The following NRXN1 variants were observed in gnomAD, a reference collection of about 807,000 sequenced individuals.
NRXN1 encodes the protein neurexin 1, also known as neurexin-1.
A neutral mutation model predicts 150.9 loss-of-function variants in NRXN1; 39 were observed. The observed-to-expected ratio is 0.26, with a 90% CI of 0.20 to 0.34. NRXN1 has a LOEUF of 0.34. NRXN1 is among the 10% of genes least tolerant of loss of function. The probability of loss-of-function intolerance (pLI) is 1.00; values close to 1 mark genes in which losing one functional copy is unlikely to be tolerated. For missense variants in NRXN1, 1,815 were observed against 1,949.9 expected (o/e 0.93, Z 1.30); for synonymous variants, 924 against 757.0 (o/e 1.22, Z -3.62).
At position 49,922,273 on chromosome 2, in the gene NRXN1, C is replaced by A. The variant is rs1668354108; in HGVS notation, c.4217-22G>T. On this transcript the variant is annotated intron_variant, in intron 22 of 22. Transcript: ENST00000401669. ...TTGGCTATAGAAAAGAGGATGAGAA[C>A]AAACACAAAGTGATCATTGAGTTCA... 1.9e-6 allele frequency: 3 copies of A among 1,604,184 alleles called. No individual in the cohort carries two copies. In the East Asian group the frequency reaches 6.7e-5, roughly 36 times the overall value.
intron 2 of NRXN1, among the ~76,000 whole-genome samples, chr2:51,019,857 CT>C (rs1240259918): frequency 6.6e-6 from 1 of 151,898 alleles, no homozygotes; most frequent in Non-Finnish European, 1.5e-5. Flanking sequence ...AAACAGAGTA[CT>C]TTCTCTGCTT....
At chr2:50,779,288 G>A (rs528290985) in intron 5 of NRXN1, among the ~76,000 whole-genome samples, 4 of 152,244 alleles carry the variant, frequency 2.6e-5, no homozygotes, top group Admixed American at 2.6e-4. Flanking sequence ...TTCTGTTCAT[G>A]TGTTAGTTTG....
chr2:49,933,936 G>T (rs1670573279), intron 22 of NRXN1, among the ~76,000 whole-genome samples: 1 of 152,164 alleles, frequency 6.6e-6, no homozygotes, highest in South Asian at 2.1e-4. Flanking sequence ...GAGGCCTTGT[G>T]AATTCAGGTG....
intron 5 of NRXN1, among the ~76,000 whole-genome samples, chr2:50,844,084 G>T (rs944287096): frequency 6.6e-6 from 1 of 152,080 alleles, no homozygotes; most frequent in Non-Finnish European, 1.5e-5. Context: ...CCAAAGAATG[G>T]ACCTGGAGGC....
Position 50,552,648 on chromosome 2 carries a change from C to T in NRXN1, c.1698G>A (p.Leu566=), listed in dbSNP as rs1667698204. The T allele has an allele frequency of 6.2e-7, 1 of 1,613,912 alleles. No homozygotes were observed. Residue 566 remains leucine (L), a synonymous_variant, in exon 9 of 23, where the codon CTG becomes CTA. Transcript: ENST00000401669. Reference sequence around the variant, plus strand: ...ATTCTCCATCATTCACTTTCTTCAACAGGGCTTTTATTTTTATAGTACCTG... The same window carrying T: ...ATTCTCCATCATTCACTTTCTTCAATAGGGCTTTTATTTTTATAGTACCTG... The part of the protein sequence containing the change: ...MGSGTIKIKA[L]LKKVNDGEWY...
In NRXN1 at chr2:50,614,502, G is replaced by A. The variant is rs185237093; in HGVS notation, c.1320+5520C>T. ...AAAATAAGCAAAAAAGGGGAGGAGC[G>A]GGGAGGGATAGCATTAGGAGATATA... On this transcript the variant is annotated intron_variant, in intron 8 of 22. Coordinates refer to ENST00000401669, the MANE Select transcript of NRXN1 (RefSeq NM_001330078.2). Among the ~76,000 whole-genome samples the A allele has an allele frequency of 1.2e-4, 18 of 151,900 alleles. No homozygotes were observed. In the East Asian group the frequency reaches 2.1e-3, roughly 18 times the overall value.
chr2:50,986,918 A>G (rs961222738), intron 2 of NRXN1, among the ~76,000 whole-genome samples: 4 of 151,832 alleles, frequency 2.6e-5, no homozygotes, highest in African/African-American at 9.7e-5. Context: ...GAAAAACAGC[A>G]CCCTGAAATC....
chr2:50,070,841 C>T (rs1211784724), intron 19 of NRXN1, among the ~76,000 whole-genome samples: 2 of 149,264 alleles, frequency 1.3e-5, no homozygotes, highest in Non-Finnish European at 3.0e-5. Flanking sequence ...CCAATTAAAA[C>T]CCAGGCATCC....
intron 2 of NRXN1, among the ~76,000 whole-genome samples, chr2:50,961,044 C>A (rs146021706): frequency 2.0e-5 from 3 of 151,936 alleles, no homozygotes; most frequent in Non-Finnish European, 4.4e-5. Flanking sequence ...CAAATGAACA[C>A]GTGACTTTTT....
intron 21 of NRXN1, among the ~76,000 whole-genome samples, chr2:49,948,606 A>G (rs1673373863): frequency 6.6e-6 from 1 of 151,982 alleles, no homozygotes; most frequent in Admixed American, 6.6e-5. Context: ...GCTCAAGTGT[A>G]GGGGAAGAAA....
intron 17 of NRXN1, among the ~76,000 whole-genome samples, chr2:50,402,768 C>T (rs936280778): frequency 6.6e-6 from 1 of 152,088 alleles, no homozygotes; most frequent in Non-Finnish European, 1.5e-5. Context: ...CTAGGCTTAG[C>T]TCAGCCACTT....
At chr2:50,703,706 C>A (rs538007024) in intron 5 of NRXN1, among the ~76,000 whole-genome samples, 1 of 152,082 alleles carries the variant, frequency 6.6e-6, no homozygotes, top group Non-Finnish European at 1.5e-5. Context: ...TAATGAGGAA[C>A]GGTTAACTAT....
chr2:50,579,913 G>A (rs1186613065), intron 8 of NRXN1, among the ~76,000 whole-genome samples: 1 of 152,124 alleles, frequency 6.6e-6, no homozygotes, highest in Non-Finnish European at 1.5e-5. Context: ...TCATGAAAGG[G>A]TTATATTTTC....
intron 5 of NRXN1, among the ~76,000 whole-genome samples, chr2:50,911,445 T>C (rs1684510212): frequency 6.6e-6 from 1 of 151,896 alleles, no homozygotes; most frequent in East Asian, 1.9e-4. Flanking sequence ...CTGTCATTTC[T>C]GAATGTCTAA....
At chr2:50,480,302 G>A (rs2090365601) in intron 15 of NRXN1, among the ~76,000 whole-genome samples, 1 of 152,186 alleles carries the variant, frequency 6.6e-6, no homozygotes, top group Non-Finnish European at 1.5e-5. Context: ...ACCCATGCAT[G>A]AATCGTCTTC....
rs553970724 is a variant in NRXN1 at position 50,260,587 on chromosome 2, C to T, written c.3365-23617G>A. Among the ~76,000 whole-genome samples, 30 of 142,956 alleles carry T rather than the reference C, an allele frequency of 2.1e-4. 2 individuals are homozygous for T. The South Asian group carries it at 6.6e-3, about 31-fold the overall frequency. The allele number at this position is 142,956 out of a possible 152,430, so 93.8% of individuals were successfully genotyped here. On this transcript the variant is annotated intron_variant, in intron 17 of 22. Transcript: ENST00000401669. ...TTCAATCACTTTTTTTAATGCAAAG[C>T]AAACACCGATGACAAAAGAAGTTCA...
At chr2:50,769,511 G>C (rs975263778) in intron 5 of NRXN1, among the ~76,000 whole-genome samples, 2 of 151,984 alleles carry the variant, frequency 1.3e-5, no homozygotes, top group African/African-American at 2.4e-5. Flanking sequence ...AGATGGGAGC[G>C]AGAAATCACT....
In NRXN1 at chr2:50,170,141, T is replaced by TCACA. The variant is rs71404935; in HGVS notation, c.3546+66644_3546+66647dup. On this transcript the variant is annotated intron_variant, in intron 18 of 22. Coordinates refer to ENST00000401669, the MANE Select transcript of NRXN1 (RefSeq NM_001330078.2). ...ATAATACGTCATATTATAGATAATA[T>TCACA]CACACACACACACACACACACACAT... Among the ~76,000 whole-genome samples the TCACA allele has an allele frequency of 3.3e-3, 494 of 148,456 alleles. 2 individuals are homozygous for TCACA. Among genetic ancestry groups the TCACA allele is most frequent in the African/African-American group, 8.2e-3 (333 of 40,776 alleles).
chr2:50,727,952 G>T (rs1300928833), intron 5 of NRXN1, among the ~76,000 whole-genome samples: 1 of 152,008 alleles, frequency 6.6e-6, no homozygotes, highest in Non-Finnish European at 1.5e-5. Context: ...TTAGAGAAAG[G>T]TTACACTTTA....
Sources: gnomAD v4.1 joint callset for allele counts (sites outside exome capture counted in the v4.1 genomes callset) on GRCh38, gnomAD v4.1.1 for gene constraint, MANE v1.5 for transcripts, NCBI Gene and HGNC (gene_info 2026-07-23, HGNC 2026-07-21) for gene names.